SLC25A48: variants seen among roughly 807,000 people sequenced by gnomAD.
SLC25A48 encodes the protein CTC-321K16.1.
Under a neutral mutation model 32.2 loss-of-function variants are expected in SLC25A48, and 29 were observed. That is an observed-to-expected ratio of 0.90 (90% CI 0.67 to 1.23). The LOEUF (loss-of-function observed/expected upper bound fraction) is 1.23, where lower values mean the gene tolerates loss of function less well. Among genes scored for constraint, SLC25A48 ranks in the 50% most tolerant of loss-of-function variants. SLC25A48 has a pLI of 0.00. For synonymous variants in SLC25A48, 164 were observed against 172.3 expected (o/e 0.95, Z 0.38); for missense variants, 399 against 422.7 (o/e 0.94, Z 0.49).
chr5:135,619,925 A>G (rs1752283087), intron 1 of SLC25A48, among the ~76,000 whole-genome samples: 1 of 151,966 alleles, frequency 6.6e-6, no homozygotes, highest in Non-Finnish European at 1.5e-5. Flanking sequence ...TCCCACAATG[A>G]TGTTCACTGG....
At chr5:135,748,416 G>T (rs754163706) in intron 3 of SLC25A48, among the ~76,000 whole-genome samples, 1 of 152,066 alleles carries the variant, frequency 6.6e-6, no homozygotes, top group Non-Finnish European at 1.5e-5. Context: ...TGGGACTCAG[G>T]TGCCTGCCAC....
At chr5:135,750,499 GA>G (rs1366356865) in intron 3 of SLC25A48, among the ~76,000 whole-genome samples, 12 of 152,190 alleles carry the variant, frequency 7.9e-5, no homozygotes, top group Non-Finnish European at 1.5e-4. Flanking sequence ...ACAAAGCTGG[GA>G]AGTGGCAGTC....
rs114522524 is a variant in SLC25A48, at chr5:135,850,931, G to A, written c.162+435G>A. On this transcript the variant is annotated intron_variant, in intron 3 of 7. Transcript: ENST00000681962. The stretch of plus-strand genomic sequence containing the variant: ...CTGCGCCCAGGTCACTTTAGACCAT[G>A]CGACCTGAGGTATTCCTTTTCCGAA... Among the ~76,000 whole-genome samples the A allele has an allele frequency of 7.0e-3, 1,073 of 152,270 alleles. 13 individuals are homozygous for A. The highest frequency in any genetic ancestry group is 0.024 in the African/African-American group (1,005 of 41,572).
chr5:135,835,020 TG>T (rs1187106491), intron 1 of SLC25A48, 127 bp downstream of exon 1: 53 of 1,203,262 alleles, frequency 4.4e-5, no homozygotes, highest in South Asian at 1.0e-4. Context: ...CAGCCTGCTT[TG>T]GGGAGTGCCC....
At chr5:135,795,334 A>G (rs956524004) in intron 3 of SLC25A48, among the ~76,000 whole-genome samples, 8 of 151,532 alleles carry the variant, frequency 5.3e-5, no homozygotes, top group Non-Finnish European at 8.8e-5. Context: ...AAGGGTTTAC[A>G]CCCCCCATGA....
chr5:135,645,458 T>A (rs1019670510), intron 3 of SLC25A48, among the ~76,000 whole-genome samples: 9 of 152,196 alleles, frequency 5.9e-5, no homozygotes, highest in African/African-American at 1.4e-4. Context: ...GAAATGGGGA[T>A]TTTTTTCTAA....
At chr5:135,808,997 T>C (rs1202464834) in intron 3 of SLC25A48, among the ~76,000 whole-genome samples, 1 of 152,142 alleles carries the variant, frequency 6.6e-6, no homozygotes, top group Non-Finnish European at 1.5e-5. Flanking sequence ...GGAAAGTTTC[T>C]TGGTATAATT....
At position 135,693,859 on chromosome 5, in the gene SLC25A48, C is replaced by T. The variant is rs1171015347; in HGVS notation, c.-521+58903C>T. 5.9e-5 allele frequency among the ~76,000 whole-genome samples: 9 copies of T among 152,324 alleles called. No homozygotes were observed. In the East Asian group the frequency reaches 7.7e-4, roughly 13 times the overall value. On this transcript the variant is annotated intron_variant, in intron 3 of 10. Transcript: ENST00000646290. Reference sequence around the variant, plus strand: ...GTCCCTGCCCCTCACAGTGCGAAGGCGTGTGGGGCGATGGGCCTCCCCAGC... The same window carrying T: ...GTCCCTGCCCCTCACAGTGCGAAGGTGTGTGGGGCGATGGGCCTCCCCAGC...
At chr5:135,625,804 G>C (rs1297513820) in intron 1 of SLC25A48, among the ~76,000 whole-genome samples, 1 of 152,118 alleles carries the variant, frequency 6.6e-6, no homozygotes, top group Non-Finnish European at 1.5e-5. Context: ...TATAGTGCTG[G>C]CTATGACAAC....
At chr5:135,663,279 G>C (rs1263380280) in intron 3 of SLC25A48, among the ~76,000 whole-genome samples, 2 of 152,106 alleles carry the variant, frequency 1.3e-5, no homozygotes, top group African/African-American at 4.8e-5. Context: ...TCTGATCTCT[G>C]TACTTAGAAC....
At chr5:135,619,188 T>G (rs533440307) in intron 1 of SLC25A48, among the ~76,000 whole-genome samples, 21 of 152,160 alleles carry the variant, frequency 1.4e-4, no homozygotes, top group African/African-American at 4.6e-4. Context: ...TCCTCATTCT[T>G]TTAAAATTCT....
At chr5:135,849,434 G>C (rs577440490) in intron 2 of SLC25A48, among the ~76,000 whole-genome samples, 1 of 152,184 alleles carries the variant, frequency 6.6e-6, no homozygotes, top group Admixed American at 6.5e-5. Flanking sequence ...TAGGGCAGGG[G>C]TACTCTTCGG....
chr5:135,607,461 G>A (rs1306647645), intron 1 of SLC25A48, among the ~76,000 whole-genome samples: 3 of 152,208 alleles, frequency 2.0e-5, no homozygotes, highest in African/African-American at 7.2e-5. Context: ...CAGATGCTGT[G>A]TTAAGAGGTG....
intron 1 of SLC25A48, among the ~76,000 whole-genome samples, chr5:135,596,938 G>A (rs1751668201): frequency 6.6e-6 from 1 of 152,162 alleles, no homozygotes; most frequent in African/African-American, 2.4e-5. Context: ...CTGACTAGCT[G>A]TGTGACCTTG....
intron 2 of SLC25A48, among the ~76,000 whole-genome samples, chr5:135,843,696 A>C (rs754927520): frequency 2.0e-5 from 3 of 152,230 alleles, no homozygotes; most frequent in African/African-American, 7.2e-5. Flanking sequence ...TCAGAGTGCT[A>C]TTCACAGAGG....
chr5:135,697,729 C>T (rs1215643068), intron 3 of SLC25A48, among the ~76,000 whole-genome samples: 7 of 152,172 alleles, frequency 4.6e-5, no homozygotes, highest in South Asian at 2.1e-4. Flanking sequence ...AGACACAGGA[C>T]GTGCCAGCAG....
intron 3 of SLC25A48, among the ~76,000 whole-genome samples, chr5:135,791,449 G>A (rs1757029232): frequency 6.6e-6 from 1 of 151,518 alleles, no homozygotes; most frequent in South Asian, 2.1e-4. Context: ...ATTTCGCAGG[G>A]AGTGTACACC....
chr5:135,878,039 T>C (rs982552685), intron 6 of SLC25A48, among the ~76,000 whole-genome samples: 1 of 151,998 alleles, frequency 6.6e-6, no homozygotes, highest in African/African-American at 2.4e-5. Flanking sequence ...CCCTAGGCCA[T>C]AGGGAGACAT....
chr5:135,851,852 G>T lies in SLC25A48; in HGVS notation c.163-711G>T, dbSNP rs149920450. Among the ~76,000 whole-genome samples, 433 of 152,244 alleles carry T rather than the reference G, an allele frequency of 2.8e-3. 5 individuals carry two copies. The highest frequency in any genetic ancestry group is 9.6e-3 in the African/African-American group (398 of 41,544). On this transcript the variant is annotated intron_variant, in intron 3 of 7. Transcript: ENST00000681962. ...TGCCGTGTGGAAGGGACCGAACCCGGCCTGCAGCACCCCCTCCTCAGCCTC... is the reference window on the plus strand; with the variant it reads ...TGCCGTGTGGAAGGGACCGAACCCGTCCTGCAGCACCCCCTCCTCAGCCTC...
Sources: allele counts gnomAD v4.1 joint callset (sites outside exome capture counted in the v4.1 genomes callset), GRCh38; gene constraint gnomAD v4.1.1; transcripts MANE v1.5; gene names NCBI Gene and HGNC (gene_info 2026-07-23, HGNC 2026-07-21).